Variants in FSTL4 observed in about 807,000 individuals in gnomAD.
FSTL4 encodes the protein follistatin like 4.
Under a neutral mutation model 78.2 loss-of-function variants are expected in FSTL4, and 28 were observed. That is an observed-to-expected ratio of 0.36 (90% CI 0.27 to 0.49). The LOEUF is 0.49. FSTL4 is among the 20% of genes least tolerant of loss of function. The probability of loss-of-function intolerance (pLI) is 0.98; values close to 1 mark genes in which losing one functional copy is unlikely to be tolerated. For synonymous variants in FSTL4, 422 were observed against 440.5 expected (o/e 0.96, Z 0.53); for missense variants, 922 against 1,084.9 (o/e 0.85, Z 2.11).
At chr5:133,479,754 T>A (rs1447907947) in intron 3 of FSTL4, among the ~76,000 whole-genome samples, 1 of 152,156 alleles carries the variant, frequency 6.6e-6, no homozygotes, top group African/African-American at 2.4e-5. Context: ...AAAATTAGAT[T>A]GTAGTGACAA....
At chr5:133,513,344 A>C (rs1384489448) in intron 3 of FSTL4, among the ~76,000 whole-genome samples, 1 of 152,214 alleles carries the variant, frequency 6.6e-6, no homozygotes, top group African/African-American at 2.4e-5. Flanking sequence ...GAAACGTTGA[A>C]TTGTATTCTT....
At chr5:133,285,100 T>C (rs1291309907) in intron 6 of FSTL4, among the ~76,000 whole-genome samples, 2 of 152,184 alleles carry the variant, frequency 1.3e-5, no homozygotes, top group African/African-American at 4.8e-5. Context: ...ATTGAGTCAA[T>C]AGGCACACCC....
At chr5:133,615,052 A>G (rs1453736832), upstream of FSTL4, among the ~76,000 whole-genome samples, 2 of 152,242 alleles carry the variant, frequency 1.3e-5, no homozygotes, top group Non-Finnish European at 2.9e-5. Flanking sequence ...ATTTCAGATT[A>G]CACCTGCATA....
At chr5:133,600,096 A>T (rs1760832041) in intron 2 of FSTL4, among the ~76,000 whole-genome samples, 1 of 152,220 alleles carries the variant, frequency 6.6e-6, no homozygotes, top group African/African-American at 2.4e-5. Flanking sequence ...ACATGAGCAT[A>T]GTATGAAAAT....
chr5:133,725,016 A>G, the FSTL4 span, among the ~76,000 whole-genome samples: 9 of 152,218 alleles, frequency 5.9e-5, no homozygotes, highest in African/African-American at 1.7e-4. Context: ...TTGAAAATCA[A>G]TTGGCCACCT....
At chr5:133,627,278 G>A in the FSTL4 span, among the ~76,000 whole-genome samples, 2 of 151,174 alleles carry the variant, frequency 1.3e-5, no homozygotes, top group African/African-American at 4.9e-5. Context: ...ATAGTTCCAC[G>A]TGGCTGAGGA....
At chr5:133,801,808 C>A in the FSTL4 span, among the ~76,000 whole-genome samples, 6 of 152,214 alleles carry the variant, frequency 3.9e-5, no homozygotes, top group Admixed American at 2.0e-4. Flanking sequence ...GGGACAGAAC[C>A]AAGTTCATAC....
At chr5:133,517,447 A>AAAAAAAATATATATATATAT (rs1554068019) in intron 3 of FSTL4, among the ~76,000 whole-genome samples, 4 of 16,396 alleles carry the variant, frequency 2.4e-4, no homozygotes, top group African/African-American at 1.1e-3. Context: ...AAAAAAAAAA[A>AAAAAAAATATATATATATAT]ATATATATAT....
At chr5:133,328,070 C>T (rs1754257898) in intron 4 of FSTL4, among the ~76,000 whole-genome samples, 1 of 152,206 alleles carries the variant, frequency 6.6e-6, no homozygotes. Context: ...CACTTTGGAA[C>T]CACAAACAGA....
chr5:133,775,120 G>A, the FSTL4 span, among the ~76,000 whole-genome samples: 3 of 152,164 alleles, frequency 2.0e-5, no homozygotes, highest in African/African-American at 7.2e-5. Context: ...CCTAGTTTGT[G>A]AGAGGTCTTG....
the FSTL4 span, among the ~76,000 whole-genome samples, chr5:133,625,398 G>T: frequency 6.6e-6 from 1 of 151,558 alleles, no homozygotes; most frequent in African/African-American, 2.4e-5. Context: ...AAATTTGTGT[G>T]TATAGAGTGG....
chr5:133,753,800 G>A, the FSTL4 span, among the ~76,000 whole-genome samples: 1 of 150,960 alleles, frequency 6.6e-6, no homozygotes, highest in Non-Finnish European at 1.5e-5. Context: ...ATAGCATCAG[G>A]TAGTGAGTGG....
At chr5:133,596,811 C>G (rs1280334533) in intron 2 of FSTL4, among the ~76,000 whole-genome samples, 1 of 152,226 alleles carries the variant, frequency 6.6e-6, no homozygotes, top group Admixed American at 6.5e-5. Context: ...CTCAGCCCCG[C>G]AGGCCACTCA....
intron 2 of FSTL4, among the ~76,000 whole-genome samples, chr5:133,582,659 G>C (rs1760442891): frequency 6.6e-6 from 1 of 152,150 alleles, no homozygotes; most frequent in South Asian, 2.1e-4. Flanking sequence ...GCCAACCCCT[G>C]TCAACACTGC....
rs1364154700 is a variant in FSTL4, at chr5:133,221,898, T to TTTTTTTG, written c.1340-1033_1340-1032insCAAAAAA. Among the ~76,000 whole-genome samples, 75 of 88,910 alleles carry TTTTTTTG rather than the reference T, an allele frequency of 8.4e-4. 5 individuals carry two copies. Among genetic ancestry groups the TTTTTTTG allele is most frequent in the African/African-American group, 6.4e-3 (75 of 11,716 alleles). 58.3% of individuals were successfully genotyped at this position (88,910 alleles called of 152,430 possible). On this transcript the variant is annotated intron_variant, in intron 11 of 15. Transcript: ENST00000265342. ...AGAAAAATCTCTTTTCTAGTTTTTT[T>TTTTTTTG]TTTTTTTTTTTTTTTTTTTTTTTTT...
intron 4 of FSTL4, among the ~76,000 whole-genome samples, chr5:133,339,730 C>T (rs79820638): frequency 0.014 from 2,076 of 152,342 alleles, 31 homozygotes; most frequent in Middle Eastern, 0.031. Context: ...ATACTCCATG[C>T]TCACAGGCTT....
intron 4 of FSTL4, among the ~76,000 whole-genome samples, chr5:133,354,165 T>C (rs1754892266): frequency 6.7e-6 from 1 of 149,536 alleles, no homozygotes; most frequent in Admixed American, 6.6e-5. Flanking sequence ...GATGGAGAGA[T>C]AGCCGCCAAA....
At chr5:133,684,756 C>G in the FSTL4 span, among the ~76,000 whole-genome samples, 2 of 152,036 alleles carry the variant, frequency 1.3e-5, no homozygotes, top group Non-Finnish European at 2.9e-5. Flanking sequence ...TGGATATCAC[C>G]CACGGTGATG....
intron 4 of FSTL4, among the ~76,000 whole-genome samples, chr5:133,328,677 G>C (rs1754272744): frequency 6.6e-6 from 1 of 152,158 alleles, no homozygotes; most frequent in Admixed American, 6.5e-5. Context: ...CCTTTGCCCT[G>C]TCCAGCAGCT....
Sources: allele counts gnomAD v4.1 joint callset (sites outside exome capture counted in the v4.1 genomes callset), GRCh38; gene constraint gnomAD v4.1.1; transcripts MANE v1.5; gene names NCBI Gene and HGNC (gene_info 2026-07-23, HGNC 2026-07-21).